SLC44A5: variants seen among roughly 807,000 people sequenced by gnomAD.
The protein encoded by SLC44A5 is solute carrier family 44 member 5, also known as choline transporter-like protein 5.
A neutral mutation model predicts 101.8 loss-of-function variants in SLC44A5; 57 were observed. The observed-to-expected ratio is 0.56, with a 90% CI of 0.45 to 0.70. The LOEUF is 0.70. SLC44A5 is among the 30% of genes least tolerant of loss of function. The pLI is 0.00. For synonymous variants in SLC44A5, 281 were observed against 290.9 expected, an observed-to-expected ratio of 0.97 and a Z score of 0.35; for missense variants, 737 against 853.1, an observed-to-expected ratio of 0.86 and a Z score of 1.70.
the SLC44A5 span, among the ~76,000 whole-genome samples, chr1:75,704,102 C>A: frequency 6.6e-6 from 1 of 152,056 alleles, no homozygotes; most frequent in South Asian, 2.1e-4. Flanking sequence ...TGTGTTACAC[C>A]TGCATATACT....
At chr1:75,349,397 C>A (rs181337635) in intron 3 of SLC44A5, among the ~76,000 whole-genome samples, 1 of 151,914 alleles carries the variant, frequency 6.6e-6, no homozygotes, top group Non-Finnish European at 1.5e-5. Flanking sequence ...GGATGGAATG[C>A]GATGTTCTAA....
the SLC44A5 span, among the ~76,000 whole-genome samples, chr1:75,691,371 A>G: frequency 6.6e-6 from 1 of 152,348 alleles, no homozygotes; most frequent in East Asian, 1.9e-4. Context: ...AGTTGCTAGC[A>G]TAAAAATGGT....
chr1:75,362,987 A>G (rs1439468953), intron 3 of SLC44A5, among the ~76,000 whole-genome samples: 11 of 152,042 alleles, frequency 7.2e-5, no homozygotes, highest in African/African-American at 2.2e-4. Context: ...ATTGCTTTAT[A>G]TATTTAGGTT....
At chr1:75,410,860 C>T (rs1224415147) in intron 2 of SLC44A5, among the ~76,000 whole-genome samples, 2 of 152,126 alleles carry the variant, frequency 1.3e-5, no homozygotes, top group Non-Finnish European at 2.9e-5. Flanking sequence ...TGAGCAGCTG[C>T]TCTGTGCTAA....
At chr1:75,282,710 C>T (rs576790459) in intron 5 of SLC44A5, among the ~76,000 whole-genome samples, 20 of 152,146 alleles carry the variant, frequency 1.3e-4, no homozygotes, top group Non-Finnish European at 2.6e-4. Flanking sequence ...ATCATGAGAT[C>T]TAATGGTTTT....
At chr1:75,512,704 G>A (rs1023373156) in intron 2 of SLC44A5, among the ~76,000 whole-genome samples, 4 of 152,172 alleles carry the variant, frequency 2.6e-5, no homozygotes, top group South Asian at 2.1e-4. Flanking sequence ...GGTAATACAC[G>A]TAGTACCCAT....
intron 1 of SLC44A5, among the ~76,000 whole-genome samples, chr1:75,562,604 C>T (rs938792935): frequency 5.3e-5 from 8 of 152,036 alleles, no homozygotes; most frequent in African/African-American, 1.9e-4. Context: ...GGGAGGATTG[C>T]TTAAGCCCGG....
intron 2 of SLC44A5, among the ~76,000 whole-genome samples, chr1:75,466,719 G>T (rs1666842463): frequency 7.0e-6 from 1 of 143,818 alleles, no homozygotes; most frequent in East Asian, 2.1e-4. Flanking sequence ...ATATATAACA[G>T]ATTCATAGCT....
chr1:75,357,675 G>A (rs1434040409), intron 3 of SLC44A5, among the ~76,000 whole-genome samples: 1 of 152,126 alleles, frequency 6.6e-6, no homozygotes, highest in African/African-American at 2.4e-5. Context: ...AATGGGCCCA[G>A]TGGGTGGAGG....
chr1:75,370,087 A>G (rs1369725750), intron 3 of SLC44A5, among the ~76,000 whole-genome samples: 1 of 152,230 alleles, frequency 6.6e-6, no homozygotes, highest in Non-Finnish European at 1.5e-5. Flanking sequence ...TTATTCAATG[A>G]ATAGGAAAAT....
chr1:75,458,309 T>C (rs967578499), intron 2 of SLC44A5, among the ~76,000 whole-genome samples: 2 of 152,208 alleles, frequency 1.3e-5, no homozygotes, highest in African/African-American at 4.8e-5. Context: ...AGAAATGGTT[T>C]GGTCATGAGA....
intron 2 of SLC44A5, among the ~76,000 whole-genome samples, chr1:75,503,122 A>C (rs1337530792): frequency 1.3e-5 from 2 of 152,192 alleles, no homozygotes; most frequent in Non-Finnish European, 2.9e-5. Context: ...AAAAATACAC[A>C]GATATTCCTG....
intron 13 of SLC44A5, among the ~76,000 whole-genome samples, chr1:75,223,704 GACACATC>G (rs987926053): frequency 6.6e-6 from 1 of 152,128 alleles, no homozygotes; most frequent in African/African-American, 2.4e-5. Context: ...CTGAAATTCT[GACACATC>G]ACACATCAGT....
At chr1:75,624,562 T>G in the SLC44A5 span, among the ~76,000 whole-genome samples, 2 of 151,802 alleles carry the variant, frequency 1.3e-5, no homozygotes, top group Non-Finnish European at 2.9e-5. Context: ...CTAGGGGAGG[T>G]CAGTAGGCCA....
At chr1:75,357,340 T>A (rs778124627) in intron 3 of SLC44A5, 2 of 371,230 alleles carry the variant, frequency 5.4e-6, no homozygotes, top group Non-Finnish European at 1.1e-5. Context: ...TGTGAACGTG[T>A]CCTGACCAAA....
intron 1 of SLC44A5, among the ~76,000 whole-genome samples, chr1:75,609,049 C>T (rs1475551744): frequency 6.6e-6 from 1 of 151,688 alleles, no homozygotes; most frequent in Non-Finnish European, 1.5e-5. Flanking sequence ...GAATAGTGCC[C>T]AGTACATAGT....
chr1:75,573,890 G>A (rs1030988925), intron 1 of SLC44A5, among the ~76,000 whole-genome samples: 1 of 152,148 alleles, frequency 6.6e-6, no homozygotes, highest in Non-Finnish European at 1.5e-5. Context: ...CTGAGGTTCA[G>A]AAATAGCACT....
intron 1 of SLC44A5, among the ~76,000 whole-genome samples, chr1:75,569,653 T>C (rs960324587): frequency 8.6e-5 from 13 of 151,632 alleles, no homozygotes; most frequent in Admixed American, 7.9e-4. Flanking sequence ...CTACTCTCCA[T>C]GAATAATACC....
intron 1 of SLC44A5, among the ~76,000 whole-genome samples, chr1:75,561,386 T>G (rs989195572): frequency 7.2e-5 from 11 of 152,150 alleles, no homozygotes; most frequent in African/African-American, 2.4e-4. Context: ...TAATACCCAC[T>G]GGCATACTTT....
Sources: allele counts gnomAD v4.1 joint callset (sites outside exome capture counted in the v4.1 genomes callset), GRCh38; gene constraint gnomAD v4.1.1; transcripts MANE v1.5; gene names NCBI Gene and HGNC (gene_info 2026-07-23, HGNC 2026-07-21).